C11orf65: variants seen among roughly 807,000 people sequenced by gnomAD.
C11orf65 encodes chromosome 11 open reading frame 65, also known as protein MFI.
Under a neutral mutation model 35.3 loss-of-function variants are expected in C11orf65, and 38 were observed. The ratio of observed to expected loss-of-function variants is 1.08; its 90% CI spans 0.83 to 1.41. C11orf65 has a LOEUF of 1.41. Among genes scored for constraint, C11orf65 ranks in the 40% most tolerant of loss-of-function variants. C11orf65 has a pLI of 0.00. For synonymous variants in C11orf65, 105 were observed against 114.4 expected, an observed-to-expected ratio of 0.92 and a Z score of 0.53; for missense variants, 370 against 367.1, an observed-to-expected ratio of 1.01 and a Z score of -0.06.
intron 2 of C11orf65, among the ~76,000 whole-genome samples, chr11:108,339,598 CTG>C (rs2087265902): frequency 6.6e-6 from 1 of 152,122 alleles, no homozygotes; most frequent in African/African-American, 2.4e-5. Context: ...AGAGAAAACA[CTG>C]TCATTTGCTT....
At chr11:108,408,860 T>C (rs1465364800) in intron 3 of C11orf65, among the ~76,000 whole-genome samples, 1 of 151,912 alleles carries the variant, frequency 6.6e-6, no homozygotes, top group Non-Finnish European at 1.5e-5. Flanking sequence ...CTGATCATAT[T>C]AGGTTAGATC....
intron 3 of C11orf65, chr11:108,331,846 AT>A: frequency 6.2e-7 from 1 of 1,604,576 alleles, no homozygotes; most frequent in African/African-American, 1.3e-5. Flanking sequence ...TTTTTTGTTT[AT>A]TTGCATAAAT....
chr11:108,332,971 G>T (rs2136580725), intron 3 of C11orf65: 1 of 1,536,966 alleles, frequency 6.5e-7, no homozygotes, highest in Non-Finnish European at 8.9e-7. Context: ...ATTAGTTATA[G>T]AGCCTAATAA....
intron 2 of C11orf65, chr11:108,353,975 A>G (rs1276807164): frequency 1.7e-6 from 2 of 1,200,706 alleles, no homozygotes; most frequent in South Asian, 2.4e-5. Context: ...CAGCTGCTCA[A>G]GAGGCTGAAG....
intron 2 of C11orf65, among the ~76,000 whole-genome samples, chr11:108,363,908 T>A (rs981550128): frequency 6.6e-6 from 1 of 152,204 alleles, no homozygotes; most frequent in African/African-American, 2.4e-5. Flanking sequence ...TTTCATTAGT[T>A]CATTAATAAA....
chr11:108,398,585 G>A (rs559987173), intron 6 of C11orf65, among the ~76,000 whole-genome samples: 17 of 152,326 alleles, frequency 1.1e-4, no homozygotes, highest in South Asian at 4.1e-4. Flanking sequence ...GAAGTAAAAC[G>A]CATATTATTC....
chr11:108,363,097 A>T (rs1591374005), intron 2 of C11orf65, among the ~76,000 whole-genome samples: 1 of 152,204 alleles, frequency 6.6e-6, no homozygotes. Context: ...TGATTGTTCC[A>T]ATCTTCAAGA....
chr11:108,377,200 T>C (rs2091752879), intron 2 of C11orf65, among the ~76,000 whole-genome samples: 1 of 151,860 alleles, frequency 6.6e-6, no homozygotes, highest in South Asian at 2.1e-4. Flanking sequence ...TAGACCAATA[T>C]CCTTGATGAA....
Position 108,406,908 on chromosome 11 carries a change from T to A in C11orf65, c.284A>T (p.Asp95Val), listed in dbSNP as rs1312948599. The A allele has an allele frequency of 3.1e-6, 5 of 1,612,798 alleles. No individual in the cohort carries two copies. In the South Asian group the frequency reaches 5.5e-5, roughly 18 times the overall value. ...ATTTCTAGGGCTGTTAGCACAGAGA[T>A]CTTCAATAGGTCTGTGAGTAAAAAT... ...YKIFTHRPIEDLCANSPRNYA... is the reference protein window; with the variant it reads ...YKIFTHRPIEVLCANSPRNYA... Residue 95 changes from aspartate (D) to valine (V), a missense_variant, in exon 5 of 9, where the codon GAT becomes GTT. Transcript: ENST00000393084.
At chr11:108,449,048 A>T (rs574683232) in intron 2 of C11orf65, among the ~76,000 whole-genome samples, 29 of 152,190 alleles carry the variant, frequency 1.9e-4, no homozygotes, top group Non-Finnish European at 2.8e-4. Flanking sequence ...CTTCAAAGAG[A>T]ATAAAATACC....
chr11:108,405,686 T>TA, intron 5 of C11orf65, 127 bp from the exon 6 acceptor site: 1 of 951,132 alleles, frequency 1.1e-6, no homozygotes, highest in African/African-American at 1.7e-5. Flanking sequence ...AGAGGATAGA[T>TA]ACTTTCAAGG....
intron 2 of C11orf65, chr11:108,366,040 A>C (rs2091307959): frequency 5.7e-6 from 1 of 174,152 alleles, no homozygotes; most frequent in African/African-American, 2.4e-5. Flanking sequence ...AAAAAAAAAA[A>C]AAAAAAAACA....
intron 2 of C11orf65, chr11:108,343,249 G>C (rs730881322): frequency 1.9e-6 from 3 of 1,614,008 alleles, no homozygotes; most frequent in Non-Finnish European, 2.5e-6. Flanking sequence ...GCGAAGTGGT[G>C]TTCTTGAATG....
chr11:108,402,694 C>G (rs2092460149), intron 6 of C11orf65, among the ~76,000 whole-genome samples: 1 of 151,556 alleles, frequency 6.6e-6, no homozygotes, highest in South Asian at 2.1e-4. Context: ...ATAAATCTAT[C>G]CATCACCCTC....
chr11:108,394,198 A>G (rs570781932), intron 6 of C11orf65, among the ~76,000 whole-genome samples: 2 of 151,442 alleles, frequency 1.3e-5, no homozygotes, highest in East Asian at 3.9e-4. Flanking sequence ...AAAAAAAAAA[A>G]AGACACAGCC....
intron 6 of C11orf65, among the ~76,000 whole-genome samples, chr11:108,393,963 CG>C (rs1171344704): frequency 1.3e-5 from 2 of 151,950 alleles, no homozygotes; most frequent in Non-Finnish European, 2.9e-5. Context: ...GGGTGGATCA[CG>C]AAGTCAGGAG....
chr11:108,452,127 A>G (rs1459661485), intron 2 of C11orf65, among the ~76,000 whole-genome samples: 1 of 152,174 alleles, frequency 6.6e-6, no homozygotes, highest in African/African-American at 2.4e-5. Flanking sequence ...ACCAAAAGCA[A>G]TGGCAACAAA....
intron 2 of C11orf65, chr11:108,353,751 T>C (rs2137283162): frequency 6.4e-7 from 1 of 1,574,584 alleles, no homozygotes; most frequent in Non-Finnish European, 8.7e-7. Flanking sequence ...AACTTCACTG[T>C]ATTCTTTACT....
chr11:108,329,413 G>GT (rs529551923), downstream of C11orf65: 11,151 of 540,368 alleles, frequency 0.021, no homozygotes, highest in East Asian at 0.036. Flanking sequence ...TTTGTTTTTT[G>GT]TTTTTTTTTT....
Sources: gnomAD v4.1 joint callset for allele counts (sites outside exome capture counted in the v4.1 genomes callset) on GRCh38, gnomAD v4.1.1 for gene constraint, MANE v1.5 for transcripts, NCBI Gene and HGNC (gene_info 2026-07-23, HGNC 2026-07-21) for gene names.